Variants in GRM7 observed in about 807,000 individuals in gnomAD.
The protein encoded by GRM7 is glutamate metabotropic receptor 7.
A neutral mutation model predicts 84.5 loss-of-function variants in GRM7; 35 were observed. The observed-to-expected ratio is 0.41, with a 90% CI of 0.32 to 0.55. The LOEUF (loss-of-function observed/expected upper bound fraction) is 0.55. Among genes scored for constraint, GRM7 ranks in the 20% least tolerant of loss-of-function variants. The pLI, the probability that GRM7 is intolerant of heterozygous loss-of-function variation, is 0.19. For synonymous variants in GRM7, 487 were observed against 455.1 expected, an observed-to-expected ratio of 1.07 and a Z score of -0.89; for missense variants, 1,003 against 1,194.6, an observed-to-expected ratio of 0.84 and a Z score of 2.36.
intron 7 of GRM7, among the ~76,000 whole-genome samples, chr3:7,531,511 T>C (rs572290916): frequency 2.0e-5 from 3 of 152,306 alleles, no homozygotes; most frequent in African/African-American, 4.8e-5. Flanking sequence ...GTAGTTCTCC[T>C]TGAAGGGGTC....
At chr3:7,276,762 T>C (rs1257069218) in intron 2 of GRM7, among the ~76,000 whole-genome samples, 50 of 6,650 alleles carry the variant, frequency 7.5e-3, no homozygotes, top group African/African-American at 0.022. Flanking sequence ...TTTCTCTCTT[T>C]CTCCCTTCCT....
At chr3:7,056,751 A>G (rs1450007315) in intron 1 of GRM7, among the ~76,000 whole-genome samples, 2 of 151,922 alleles carry the variant, frequency 1.3e-5, no homozygotes, top group Admixed American at 6.6e-5. Flanking sequence ...TGGTTAAACT[A>G]TTGTACCCAT....
At chr3:7,051,028 T>A (rs912146646) in intron 1 of GRM7, among the ~76,000 whole-genome samples, 1 of 151,876 alleles carries the variant, frequency 6.6e-6, no homozygotes, top group Non-Finnish European at 1.5e-5. Flanking sequence ...ATTTATATTT[T>A]AAAATATGTA....
At chr3:6,965,407 T>C (rs1027119542) in intron 1 of GRM7, among the ~76,000 whole-genome samples, 1 of 152,078 alleles carries the variant, frequency 6.6e-6, no homozygotes, top group African/African-American at 2.4e-5. Context: ...AGCCTCAACC[T>C]CCCAGGCTCA....
At chr3:6,978,215 G>A (rs1410887902) in intron 1 of GRM7, among the ~76,000 whole-genome samples, 6 of 152,152 alleles carry the variant, frequency 3.9e-5, no homozygotes, top group Non-Finnish European at 5.9e-5. Context: ...AAGGCTATGT[G>A]TAGAGGGAGG....
intron 1 of GRM7, among the ~76,000 whole-genome samples, chr3:6,984,731 C>T (rs1451080518): frequency 6.6e-6 from 1 of 152,064 alleles, no homozygotes; most frequent in Non-Finnish European, 1.5e-5. Context: ...GACCATCCTT[C>T]AGTTGCACTG....
At chr3:7,315,926 T>A (rs188068163) in intron 4 of GRM7, among the ~76,000 whole-genome samples, 23 of 152,152 alleles carry the variant, frequency 1.5e-4, no homozygotes, top group African/African-American at 5.5e-4. Context: ...ACAAGTGCTA[T>A]AAAGTAAGAA....
At chr3:7,375,438 T>G (rs1694309241) in intron 4 of GRM7, among the ~76,000 whole-genome samples, 1 of 152,038 alleles carries the variant, frequency 6.6e-6, no homozygotes, top group South Asian at 2.1e-4. Context: ...CAGGCTGGTC[T>G]CGAACTCCTG....
chr3:7,057,032 A>G (rs1378093876), intron 1 of GRM7, among the ~76,000 whole-genome samples: 1 of 151,962 alleles, frequency 6.6e-6, no homozygotes, highest in Admixed American at 6.6e-5. Flanking sequence ...AAGTCTGTAT[A>G]TGTATGTGGT....
At chr3:7,087,066 A>G (rs1271476876) in intron 1 of GRM7, among the ~76,000 whole-genome samples, 2 of 152,210 alleles carry the variant, frequency 1.3e-5, no homozygotes, top group Admixed American at 1.3e-4. Context: ...ATAAAAATAA[A>G]CAGAAGAAAG....
At chr3:7,288,949 A>G (rs1254325548) in intron 2 of GRM7, among the ~76,000 whole-genome samples, 1 of 152,156 alleles carries the variant, frequency 6.6e-6, no homozygotes, top group Admixed American at 6.6e-5. Context: ...ATCATCCTCT[A>G]ATTTTCATGA....
chr3:7,038,884 A>G (rs1696485930), intron 1 of GRM7, among the ~76,000 whole-genome samples: 1 of 152,182 alleles, frequency 6.6e-6, no homozygotes, highest in African/African-American at 2.4e-5. Flanking sequence ...ATACCCATGT[A>G]CTTAACCTTT....
intron 1 of GRM7, among the ~76,000 whole-genome samples, chr3:7,080,689 T>A (rs1698247844): frequency 1.4e-5 from 2 of 140,714 alleles, no homozygotes; most frequent in South Asian, 4.5e-4. Flanking sequence ...TATATTTGTA[T>A]ATATATATAC....
At chr3:7,643,043 T>G (rs369329084) in intron 8 of GRM7, among the ~76,000 whole-genome samples, 6 of 152,228 alleles carry the variant, frequency 3.9e-5, no homozygotes, top group African/African-American at 1.2e-4. Flanking sequence ...GACGGGGCTT[T>G]TTGCAGTTTG....
chr3:7,330,566 C>T (rs1479371704), intron 4 of GRM7, among the ~76,000 whole-genome samples: 32 of 152,040 alleles, frequency 2.1e-4, no homozygotes, highest in Admixed American at 2.1e-3. Context: ...GAGTTGGATC[C>T]CCCATACTGT....
rs1232450665 is a variant in GRM7, at chr3:7,242,124, C to A, written c.737-56560C>A. Among the ~76,000 whole-genome samples the A allele has an allele frequency of 3.9e-5, 6 of 152,122 alleles. No homozygotes were observed. The South Asian group carries it at 1.2e-3, about 32-fold the overall frequency. ...GTGCCAGATCTTTTTATCTGATTCC[C>A]TGCAGGATATATCTAGGCATCAGGA... On this transcript the variant is annotated intron_variant, in intron 2 of 9. Coordinates refer to ENST00000357716, the MANE Select transcript of GRM7 (RefSeq NM_000844.4).
intron 7 of GRM7, chr3:7,561,405 T>C (rs1290951384): frequency 2.8e-6 from 1 of 359,718 alleles, no homozygotes; most frequent in Non-Finnish European, 5.7e-6. Context: ...TGTATTTTTA[T>C]TGTTTAATAC....
intron 4 of GRM7, among the ~76,000 whole-genome samples, chr3:7,335,074 T>C (rs1356240653): frequency 6.6e-6 from 1 of 152,106 alleles, no homozygotes; most frequent in Non-Finnish European, 1.5e-5. Flanking sequence ...TTAACAGATA[T>C]TTACAGAACA....
At chr3:6,949,098 A>T (rs534954913) in intron 1 of GRM7, among the ~76,000 whole-genome samples, 51 of 152,300 alleles carry the variant, frequency 3.3e-4, no homozygotes, top group African/African-American at 1.1e-3. Context: ...TCCTATCATT[A>T]TGATGTTAGC....
Sources: allele counts gnomAD v4.1 joint callset (sites outside exome capture counted in the v4.1 genomes callset), GRCh38; gene constraint gnomAD v4.1.1; transcripts MANE v1.5; gene names NCBI Gene and HGNC (gene_info 2026-07-23, HGNC 2026-07-21).